SPTAN1: variants seen among roughly 807,000 people sequenced by gnomAD.
SPTAN1 encodes spectrin alpha, non-erythrocytic 1, also known as spectrin alpha chain, non-erythrocytic 1.
In SPTAN1, 61 loss-of-function variants were observed where a neutral mutation model predicts 331.3. That is an observed-to-expected ratio of 0.18 (90% CI 0.15 to 0.23). SPTAN1 has a LOEUF of 0.23. SPTAN1 is among the 10% of genes least tolerant of loss of function. The probability of loss-of-function intolerance (pLI) is 1.00; values close to 1 mark genes in which losing one functional copy is unlikely to be tolerated. For missense variants in SPTAN1, 2,043 were observed against 3,147.9 expected (o/e 0.65, Z 8.40); for synonymous variants, 1,153 against 1,173.9 (o/e 0.98, Z 0.36).
intron 16 of SPTAN1, 134 bp from the exon 17 acceptor site, chr9:128,584,148 A>G: frequency 6.8e-7 from 1 of 1,481,276 alleles, no homozygotes; most frequent in Non-Finnish European, 9.3e-7. Flanking sequence ...AGAGCTTTCT[A>G]GGAGCCCCAG....
intron 31 of SPTAN1, among the ~76,000 whole-genome samples, chr9:128,606,048 G>A (rs1398256774): frequency 5.9e-5 from 9 of 151,414 alleles, no homozygotes; most frequent in African/African-American, 2.2e-4. Context: ...ATGTAAAATA[G>A]TCAAACTACT....
At position 128,609,272 on chromosome 9, in the gene SPTAN1, C is replaced by T; in HGVS notation, c.4746C>T (p.Pro1582=). 6.2e-7 allele frequency: 1 copy of T among 1,614,192 alleles called. No individual in the cohort carries two copies. The highest frequency in any genetic ancestry group is 8.5e-7 in the Non-Finnish European group (1 of 1,180,032). Residue 1582 remains proline, a synonymous_variant, in exon 36 of 57, where the codon CCC becomes CCT. Coordinates refer to ENST00000372739, the MANE Select transcript of SPTAN1 (RefSeq NM_001130438.3). ...QTASDESYKD[P]TNIQLSKLLS... ...CGAGTGATGAGTCGTACAAGGATCCCACCAACATCCAGGTAAGCTGAAGTG... is the reference window on the plus strand; with the variant it reads ...CGAGTGATGAGTCGTACAAGGATCCTACCAACATCCAGGTAAGCTGAAGTG...
chr9:128,600,972 G>GTGTTTTTTTTTTTT (rs1474161366), intron 27 of SPTAN1, among the ~76,000 whole-genome samples: 1 of 22,228 alleles, frequency 4.5e-5, no homozygotes, highest in Non-Finnish European at 1.2e-4. Flanking sequence ...CAGGGAGAAA[G>GTGTTTTTTTTTTTT]TCTTTTTTTT....
At chr9:128,563,477 T>C (rs779534151) in intron 1 of SPTAN1, among the ~76,000 whole-genome samples, 1 of 152,156 alleles carries the variant, frequency 6.6e-6, no homozygotes, top group Admixed American at 6.6e-5. Context: ...AATCCAAGAT[T>C]GGTAATTCAG....
chr9:128,593,291 C>T (rs1853782623), intron 23 of SPTAN1: 1 of 566,530 alleles, frequency 1.8e-6, no homozygotes, highest in East Asian at 3.2e-5. Flanking sequence ...GGTTCTCCCT[C>T]CTGTTGGTTT....
intron 23 of SPTAN1, 65 bp downstream of exon 23, chr9:128,593,107 C>A (rs374654113): frequency 6.6e-7 from 1 of 1,522,892 alleles, no homozygotes; most frequent in Non-Finnish European, 9.0e-7. Context: ...TCTCCCTCTG[C>A]CGCTTCTCTT....
At chr9:128,598,637 A>G (rs1426858703) in intron 25 of SPTAN1, 133 bp downstream of exon 25, 9 of 806,360 alleles carry the variant, frequency 1.1e-5, no homozygotes, top group East Asian at 8.0e-5. Context: ...CAGGTCCTCT[A>G]TGTGACCAAA....
intron 51 of SPTAN1, 46 bp from the exon 52 acceptor site, chr9:128,630,275 G>A: frequency 6.2e-7 from 1 of 1,609,066 alleles, no homozygotes; most frequent in Non-Finnish European, 8.5e-7. Flanking sequence ...TGAGCTCTCG[G>A]CCAGCTGGGA....
chr9:128,613,288 A>G, intron 39 of SPTAN1, 93 bp from the exon 40 acceptor site: 1 of 968,014 alleles, frequency 1.0e-6, no homozygotes, highest in South Asian at 1.3e-5. Context: ...TGTCCAAGCA[A>G]GGCCCTGGAA....
chr9:128,574,374 A>G (rs910377690), intron 3 of SPTAN1, among the ~76,000 whole-genome samples: 2 of 148,998 alleles, frequency 1.3e-5, no homozygotes, highest in African/African-American at 4.9e-5. Context: ...ATATAAAGAT[A>G]TTATTAATAA....
intron 43 of SPTAN1, 95 bp from the exon 44 acceptor site, chr9:128,618,776 C>A (rs1857497215): frequency 7.5e-6 from 12 of 1,595,744 alleles, no homozygotes; most frequent in Non-Finnish European, 6.9e-6. Flanking sequence ...AGCCACCATG[C>A]CCAGCTTTTG....
chr9:128,576,210 C>T (rs137878312), intron 5 of SPTAN1, among the ~76,000 whole-genome samples: 1 of 152,208 alleles, frequency 6.6e-6, no homozygotes, highest in Non-Finnish European at 1.5e-5. Flanking sequence ...TTTTTTAAAA[C>T]ACCAAAATGT....
chr9:128,599,153 G>T, intron 26 of SPTAN1, 167 bp downstream of exon 26: 1 of 735,408 alleles, frequency 1.4e-6, no homozygotes, highest in Non-Finnish European at 2.4e-6. Flanking sequence ...CTTTTTTTTT[G>T]AGACGGAGTC....
chr9:128,568,237 A>G (rs575724057), intron 2 of SPTAN1, among the ~76,000 whole-genome samples: 22 of 152,324 alleles, frequency 1.4e-4, no homozygotes, highest in African/African-American at 5.1e-4. Flanking sequence ...TTTAGGTACA[A>G]TCCCTGCCTG....
At chr9:128,566,509 A>G (rs1235696520) in intron 1 of SPTAN1, among the ~76,000 whole-genome samples, 1 of 152,194 alleles carries the variant, frequency 6.6e-6, no homozygotes, top group African/African-American at 2.4e-5. Context: ...TGTGTGGGTT[A>G]GGCATCTTCT....
At chr9:128,609,598 T>G (rs570186441) in intron 36 of SPTAN1, 53 bp from the exon 37 acceptor site, 2 of 1,440,896 alleles carry the variant, frequency 1.4e-6, no homozygotes, top group Non-Finnish European at 9.4e-7. Flanking sequence ...ATAGCTGATA[T>G]GTGTGTCCAC....
At chr9:128,579,521 G>A (rs1470759716) in intron 9 of SPTAN1, 116 bp from the exon 10 acceptor site, 12 of 785,952 alleles carry the variant, frequency 1.5e-5, no homozygotes, top group Non-Finnish European at 2.2e-5. Flanking sequence ...CTTTCATTTT[G>A]TTTCTCATTT....
Position 128,627,337 on chromosome 9 carries a change from G to C in SPTAN1, c.6577-49G>C. The C allele has an allele frequency of 6.7e-7, 1 of 1,503,048 alleles. No homozygotes were observed. Among genetic ancestry groups the C allele is most frequent in the Non-Finnish European group, 9.1e-7 (1 of 1,104,110 alleles). 93.1% of individuals were successfully genotyped at this position (1,503,048 alleles called of 1,614,324 possible). Reference sequence around the variant, plus strand: ...GAGCCCATCTGTGAAGGAGGGGCTGGTGTCACTGCCACAGCAGCGCACAGC... The same window carrying C: ...GAGCCCATCTGTGAAGGAGGGGCTGCTGTCACTGCCACAGCAGCGCACAGC... On this transcript the variant is annotated intron_variant, in intron 49 of 56. Transcript: ENST00000372739. This position sits in a 1 kb window ranked among gnomAD's most constrained non-coding sequence, Gnocchi z 4.9.
chr9:128,572,337 C>G (rs1004262413), intron 3 of SPTAN1, among the ~76,000 whole-genome samples: 5 of 152,190 alleles, frequency 3.3e-5, no homozygotes, highest in African/African-American at 1.2e-4. Context: ...ATGAAGTGCA[C>G]CTGCCTCCCT....
Sources: gnomAD v4.1 joint callset for allele counts (sites outside exome capture counted in the v4.1 genomes callset) on GRCh38, gnomAD v4.1.1 for gene constraint, Gnocchi (gnomAD v3.1) non-coding constraint, MANE v1.5 for transcripts, NCBI Gene and HGNC (gene_info 2026-07-23, HGNC 2026-07-21) for gene names.